TPP1: variants seen among roughly 807,000 people sequenced by gnomAD.
TPP1 encodes the protein tripeptidyl-peptidase 1.
In TPP1, 43 loss-of-function variants were observed where a neutral mutation model predicts 67.6. That is an observed-to-expected ratio of 0.64 (90% CI 0.50 to 0.82). The LOEUF (loss-of-function observed/expected upper bound fraction) is 0.82. Ranked by LOEUF, TPP1 falls within the 40% of genes least tolerant of loss-of-function variation. The pLI is 0.00. For missense variants in TPP1, 671 were observed against 710.9 expected, an observed-to-expected ratio of 0.94 and a Z score of 0.64; for synonymous variants, 272 against 281.5, an observed-to-expected ratio of 0.97 and a Z score of 0.34.
Position 6,617,648 on chromosome 11 carries a change from G to C in TPP1, c.358C>G (p.Leu120Val). Residue 120 changes from leucine (L) to valine (V), a missense_variant, in exon 4 of 13, where the codon CTG (leucine) becomes GTG (valine). Leu to Val is a conservative substitution (Grantham distance 32, BLOSUM62 1). Coordinates refer to ENST00000299427, the MANE Select transcript of TPP1 (RefSeq NM_000391.4). ...KCHSVITQDF[L>V]TCWLSIRQAE... is the part of the protein sequence containing the mutation. ...CACCGGATGCTCAGCCAGCAAGTCA[G>C]AAAGTCCTGTGTGATCACAGAATGG... The C allele has an allele frequency of 1.2e-6, 2 of 1,614,214 alleles. No homozygotes were observed. The highest frequency in any genetic ancestry group is 1.7e-6 in the Non-Finnish European group (2 of 1,180,046).
rs2134592700 is a variant in TPP1, at chr11:6,615,919, TGGTGG to T, written c.1145+81_1145+85del. The T allele has an allele frequency of 9.6e-6, 14 of 1,460,058 alleles. 1 individual carries two copies. In the South Asian group the frequency reaches 1.3e-4, roughly 13 times the overall value. The allele number at this position is 1,460,058 out of a possible 1,614,324, so 90.4% of individuals were successfully genotyped here. ...CTTAAGGCTGAACCACAGGAGCACA[TGGTGG>T]GGTCAAGACAAAGGTTCTACATCAT... On this transcript the variant is annotated intron_variant, in intron 9 of 12. Transcript: ENST00000299427.
intron 3 of TPP1, chr11:6,618,244 C>G (rs1855615467): frequency 6.1e-6 from 2 of 328,550 alleles, no homozygotes; most frequent in Admixed American, 9.4e-5. Context: ...CTCTGCAGTT[C>G]ACAAGCACAC....
intron 12 of TPP1, 28 bp from the exon 13 acceptor site, chr11:6,614,714 G>C: frequency 6.2e-7 from 1 of 1,613,990 alleles, no homozygotes. Context: ...ATCAGATCTG[G>C]GCCTACTAGT....
At position 6,616,091 on chromosome 11, in the gene TPP1, G is replaced by A. The variant is rs1258440716; in HGVS notation, c.1076-17C>T. On this transcript the variant is annotated splice_polypyrimidine_tract_variant and intron_variant, in intron 8 of 12. Transcript: ENST00000299427. ...CACTGTCACCTGAGAGAGACCAAGT[G>A]TAGCATTCATATTAATTGGTTAGGG... The A allele has an allele frequency of 1.9e-6, 3 of 1,613,972 alleles. No individual in the cohort carries two copies. The African/African-American group carries it at 4.0e-5, about 22-fold the overall frequency.
rs1855557816 is a variant in TPP1, at chr11:6,615,088, G to A, written c.1425+83C>T. 3.7e-6 allele frequency: 6 copies of A among 1,613,744 alleles called. No homozygotes were observed. In the South Asian group the frequency reaches 6.6e-5, roughly 18 times the overall value. On this transcript the variant is annotated intron_variant, in intron 11 of 12. Coordinates refer to ENST00000299427, the MANE Select transcript of TPP1 (RefSeq NM_000391.4). ...AGTATCAGACATCTCTAAGGAGTCA[G>A]GGGTTCTAGGTGCAAGGTGTTCAAG...
intron 9 of TPP1, 102 bp downstream of exon 9, chr11:6,615,903 G>A: frequency 7.3e-7 from 1 of 1,366,620 alleles, no homozygotes. Flanking sequence ...GCTTAAGGCT[G>A]AACCACAGGA....
At chr11:6,614,729 G>T in intron 12 of TPP1, 43 bp from the exon 13 acceptor site, 1 of 1,614,066 alleles carries the variant, frequency 6.2e-7, no homozygotes, top group Non-Finnish European at 8.5e-7. Flanking sequence ...ACTAGTACCA[G>T]TACTTAAAGA....
At position 6,616,387 on chromosome 11, in the gene TPP1, C is replaced by T. The variant is rs146927291; in HGVS notation, c.1003G>A (p.Ala335Thr). 1.7e-5 allele frequency: 28 copies of T among 1,613,780 alleles called. No individual in the cohort carries two copies. Among genetic ancestry groups the T allele is most frequent in the Non-Finnish European group, 1.5e-5 (18 of 1,180,032 alleles). Reference protein sequence around the residue: ...YGDDEDSLSSAYIQRVNTELM... With the variant: ...YGDDEDSLSSTYIQRVNTELM... Reference sequence around the variant, plus strand: ...TCAGTGTTGACCCGCTGGATGTAGGCGCTGCTGAGGGAGTCCTCATCATCT... The same window carrying T: ...TCAGTGTTGACCCGCTGGATGTAGGTGCTGCTGAGGGAGTCCTCATCATCT... Residue 335 changes from alanine (A) to threonine (T), a missense_variant, in exon 8 of 13, where the codon GCC becomes ACC. By Grantham distance (58) the Ala-to-Thr change is moderately conservative. Transcript: ENST00000299427.
At chr11:6,617,205 T>C in intron 5 of TPP1, 52 bp from the exon 6 acceptor site, 1 of 1,613,764 alleles carries the variant, frequency 6.2e-7, no homozygotes, top group South Asian at 1.1e-5. Context: ...AATGCCCACC[T>C]TACAACTCAC....
chr11:6,617,248 C>T, intron 5 of TPP1, 53 bp downstream of exon 5: 5 of 1,613,960 alleles, frequency 3.1e-6, no homozygotes, highest in Non-Finnish European at 4.2e-6. Flanking sequence ...ATCTAAACTT[C>T]CTCAGCCCCT....
chr11:6,615,458 G>T lies in TPP1; in HGVS notation c.1250C>A (p.Pro417Gln), dbSNP rs1207897107. The T allele has an allele frequency of 6.2e-7, 1 of 1,614,036 alleles. No homozygotes were observed. The highest frequency in any genetic ancestry group is 8.5e-7 in the Non-Finnish European group (1 of 1,180,042). Residue 417 changes from proline (P) to glutamine (Q), a missense_variant, in exon 10 of 13, where the codon CCA (proline) becomes CAA (glutamine). By Grantham distance (76) the Pro-to-Gln change is moderately conservative (BLOSUM62 -1). Coordinates refer to ENST00000299427, the MANE Select transcript of TPP1 (RefSeq NM_000391.4). Reference protein sequence around the residue: ...ISGGGFSNVFPRPSYQEEAVT... With the variant: ...ISGGGFSNVFQRPSYQEEAVT... ...CACACGTACCTGGTATGAAGGCCGTGGGAACACATTGCTGAAGCCACCACC... is the reference window on the plus strand; with the variant it reads ...CACACGTACCTGGTATGAAGGCCGTTGGAACACATTGCTGAAGCCACCACC...
At chr11:6,618,151 T>G in intron 3 of TPP1, 1 of 360,962 alleles carries the variant, frequency 2.8e-6, no homozygotes, top group South Asian at 2.4e-5. Context: ...CAAATTTGCA[T>G]ACTTGTTGAT....
chr11:6,619,292 A>G (rs571147800), intron 1 of TPP1, 25 bp from the exon 2 acceptor site: 2 of 1,614,214 alleles, frequency 1.2e-6, no homozygotes, highest in African/African-American at 1.3e-5. Flanking sequence ...GGTGGGTTTC[A>G]GTGGGAGCTA....
intron 5 of TPP1, 34 bp downstream of exon 5, chr11:6,617,267 G>T (rs746170068): frequency 3.1e-6 from 5 of 1,613,764 alleles, no homozygotes; most frequent in Non-Finnish European, 8.5e-7. Flanking sequence ...CTGGATCTGT[G>T]TGCCCCAACC....
chr11:6,619,304 G>A, intron 1 of TPP1, 37 bp from the exon 2 acceptor site: 6 of 1,614,042 alleles, frequency 3.7e-6, no homozygotes, highest in Non-Finnish European at 5.1e-6. Flanking sequence ...TGGGAGCTAC[G>A]TTGTCCTTGT....
intron 3 of TPP1, chr11:6,618,558 G>A (rs1387178745): frequency 1.6e-6 from 1 of 642,482 alleles, no homozygotes; most frequent in East Asian, 2.7e-5. Flanking sequence ...AGGAACGTAA[G>A]TTGTACTAGA....
At chr11:6,616,547 T>C in intron 7 of TPP1, 44 bp from the exon 8 acceptor site, 1 of 1,582,808 alleles carries the variant, frequency 6.3e-7, no homozygotes, top group Non-Finnish European at 8.5e-7. Context: ...GGCACAAAGA[T>C]AGTCACTGGG....
Position 6,618,766 on chromosome 11 carries a change from C to T in TPP1, c.229+10G>A. On this transcript the variant is annotated intron_variant, in intron 3 of 12. Transcript: ENST00000299427. The stretch of plus-strand genomic sequence containing the variant: ...GCATCCCACATCCTGTCCTCAGTCC[C>T]AAAAGGCACCGTATTGAGGAGAGCT... 2 of 1,613,538 alleles carry T rather than the reference C, an allele frequency of 1.2e-6. No homozygotes were observed. The highest frequency in any genetic ancestry group is 1.3e-5 in the African/African-American group (1 of 75,018).
In TPP1 at chr11:6,614,858, A is replaced by G. The variant is rs757218133; in HGVS notation, c.1551+8T>C. On this transcript the variant is annotated splice_region_variant and intron_variant, in intron 12 of 12. Coordinates refer to ENST00000299427, the MANE Select transcript of TPP1 (RefSeq NM_000391.4). ...GAAAACGTCCACACCCTTCCCTTCC[A>G]TACTTACATCAAAGAGTCCTGCCCC... is the stretch of plus-strand genomic sequence containing the variant. The G allele has an allele frequency of 2.7e-5, 43 of 1,613,904 alleles. No homozygotes were observed. The highest frequency in any genetic ancestry group is 3.6e-5 in the Non-Finnish European group (43 of 1,180,006).
Sources: gnomAD v4.1 joint callset for allele counts on GRCh38, gnomAD v4.1.1 for gene constraint, MANE v1.5 for transcripts, NCBI Gene and HGNC (gene_info 2026-07-23, HGNC 2026-07-21) for gene names.